Variants in UHRF1 observed in about 807,000 individuals in gnomAD.
UHRF1 encodes E3 ubiquitin-protein ligase UHRF1.
In UHRF1, 9 loss-of-function variants were observed where a neutral mutation model predicts 96.5. That is an observed-to-expected ratio of 0.09 (90% CI 0.06 to 0.16). UHRF1 has a LOEUF of 0.16. UHRF1 is among the 10% of genes least tolerant of loss of function. UHRF1 has a pLI of 1.00. For synonymous variants in UHRF1, 455 were observed against 469.9 expected (o/e 0.97, Z 0.41); for missense variants, 626 against 1,131.1 (o/e 0.55, Z 6.40).
At chr19:4,929,117 C>G in intron 2 of UHRF1, 105 bp from the exon 3 acceptor site, 1 of 1,454,472 alleles carries the variant, frequency 6.9e-7, no homozygotes, top group Non-Finnish European at 9.3e-7. Flanking sequence ...AGATTGCCCC[C>G]CCCCCACAAG....
intron 2 of UHRF1, among the ~76,000 whole-genome samples, chr19:4,922,309 G>A (rs893492808): frequency 1.4e-4 from 21 of 151,614 alleles, no homozygotes; most frequent in Admixed American, 4.0e-4. Context: ...TCTGTTGCCC[G>A]GACTGGAGTG....
At chr19:4,914,923 C>T (rs2032435024) in intron 2 of UHRF1, among the ~76,000 whole-genome samples, 1 of 152,156 alleles carries the variant, frequency 6.6e-6, no homozygotes, top group Admixed American at 6.6e-5. Flanking sequence ...TCTCTTAGCA[C>T]AGGGCCTGTC....
intron 2 of UHRF1, among the ~76,000 whole-genome samples, chr19:4,913,493 G>T (rs1334639404): frequency 6.6e-6 from 1 of 152,034 alleles, no homozygotes; most frequent in African/African-American, 2.4e-5. Context: ...GACCTCAGGT[G>T]ATCCACCTAC....
At position 4,954,634 on chromosome 19, in the gene UHRF1, C is replaced by A. The variant is rs947306161; in HGVS notation, c.1958-16C>A. On this transcript the variant is annotated splice_polypyrimidine_tract_variant and intron_variant, in intron 14 of 16. Transcript: ENST00000650932. The surrounding 1 kb of genome is among the most constrained non-coding windows in gnomAD (Gnocchi z 5.9). ...GGGCCACGCGCCCCTCCCTCACGCGCCCCACCCTCTTCCAGGAGGTGGCCC... is the reference window on the plus strand; with the variant it reads ...GGGCCACGCGCCCCTCCCTCACGCGACCCACCCTCTTCCAGGAGGTGGCCC... 1 of 1,610,992 alleles carries A rather than the reference C, an allele frequency of 6.2e-7. No homozygotes were observed. Among genetic ancestry groups the A allele is most frequent in the South Asian group, 1.1e-5 (1 of 90,844 alleles).
intron 11 of UHRF1, among the ~76,000 whole-genome samples, chr19:4,947,544 A>G (rs1020761760): frequency 3.5e-5 from 4 of 113,580 alleles, no homozygotes; most frequent in Non-Finnish European, 6.5e-5. Flanking sequence ...TCTGTTGCCC[A>G]GGCTAGAGTG....
At chr19:4,926,165 A>G (rs1599257203) in intron 2 of UHRF1, among the ~76,000 whole-genome samples, 1 of 152,128 alleles carries the variant, frequency 6.6e-6, no homozygotes, top group East Asian at 1.9e-4. Context: ...AAGTGCTGGG[A>G]TTACAGGCGT....
chr19:4,913,584 G>T (rs762630208), intron 2 of UHRF1, among the ~76,000 whole-genome samples: 1 of 151,982 alleles, frequency 6.6e-6, no homozygotes, highest in Non-Finnish European at 1.5e-5. Flanking sequence ...TTGTCAGGAT[G>T]TCCGCAGTGA....
intron 9 of UHRF1, among the ~76,000 whole-genome samples, chr19:4,945,626 G>C (rs1184581786): frequency 2.0e-5 from 3 of 150,872 alleles, no homozygotes; most frequent in Non-Finnish European, 4.4e-5. Context: ...CCCCGTGCAC[G>C]CTTGATGGGG....
At position 4,947,107 on chromosome 19, in the gene UHRF1, C is replaced by T. The variant is rs2033589178; in HGVS notation, c.1413C>T (p.Asp471=). 1 of 1,612,156 alleles carries T rather than the reference C, an allele frequency of 6.2e-7. No individual in the cohort carries two copies. Among genetic ancestry groups the T allele is most frequent in the Non-Finnish European group, 8.5e-7 (1 of 1,179,120 alleles). ...VLAGGYEDDV[D]HGNFFTYTGS... ...CCCAGCCTTCTTGTCTGTTTCAGGACCATGGGAATTTTTTCACATACACGG... is the reference window on the plus strand; with the variant it reads ...CCCAGCCTTCTTGTCTGTTTCAGGATCATGGGAATTTTTTCACATACACGG... Residue 471 remains aspartate, a splice_region_variant and synonymous_variant, in exon 11 of 17, where the codon GAC becomes GAT. Coordinates refer to ENST00000650932, the MANE Select transcript of UHRF1 (RefSeq NM_001048201.3).
At chr19:4,938,625 T>G (rs2033285479) in intron 5 of UHRF1, among the ~76,000 whole-genome samples, 2 of 151,392 alleles carry the variant, frequency 1.3e-5, no homozygotes, top group Admixed American at 6.6e-5. Flanking sequence ...GATCCTGGCT[T>G]CAAGCGATCC....
At chr19:4,928,335 G>C (rs1005972538) in intron 2 of UHRF1, among the ~76,000 whole-genome samples, 9 of 151,902 alleles carry the variant, frequency 5.9e-5, no homozygotes, top group African/African-American at 2.2e-4. Context: ...CAGGAGGGGG[G>C]GGTCCTAGAT....
At chr19:4,951,763 A>G (rs1219789109) in intron 13 of UHRF1, among the ~76,000 whole-genome samples, 1 of 151,648 alleles carries the variant, frequency 6.6e-6, no homozygotes, top group Non-Finnish European at 1.5e-5. Flanking sequence ...ATCTGGACGG[A>G]AAAATGGGGA....
chr19:4,943,022 G>A (rs2033453359), intron 7 of UHRF1, among the ~76,000 whole-genome samples: 1 of 151,916 alleles, frequency 6.6e-6, no homozygotes, highest in African/African-American at 2.4e-5. Context: ...GGTGGATCAC[G>A]AGGTCAGGAA....
chr19:4,941,706 CG>C, intron 6 of UHRF1, 38 bp from the exon 7 acceptor site: 2 of 1,556,052 alleles, frequency 1.3e-6, no homozygotes, highest in Non-Finnish European at 1.7e-6. Context: ...CTGGCTTGGC[CG>C]GGCCCCGCCG....
chr19:4,937,037 T>G (rs1371001225), intron 5 of UHRF1, among the ~76,000 whole-genome samples: 1 of 106,622 alleles, frequency 9.4e-6, no homozygotes, highest in Non-Finnish European at 2.4e-5. Context: ...CAAGCAATAA[T>G]TTTTTTTTTT....
chr19:4,926,364 C>T (rs920796970), intron 2 of UHRF1, among the ~76,000 whole-genome samples: 1 of 152,230 alleles, frequency 6.6e-6, no homozygotes, highest in East Asian at 1.9e-4. Context: ...TGAGCCTCCT[C>T]CTGGCTCCCA....
chr19:4,943,253 A>AG (rs376638733), intron 7 of UHRF1, among the ~76,000 whole-genome samples: 5 of 151,780 alleles, frequency 3.3e-5, no homozygotes, highest in East Asian at 1.9e-4. Context: ...ACAAAAAAAA[A>AG]GGGGGGGTGG....
In UHRF1 at chr19:4,929,491, C is replaced by T. The variant is rs767992475; in HGVS notation, c.408+15C>T. On this transcript the variant is annotated intron_variant, in intron 3 of 16. Coordinates refer to ENST00000650932, the MANE Select transcript of UHRF1 (RefSeq NM_001048201.3). ...GGCTGTACAAGGTGAGCCTCCCCTC[C>T]GCAGCTGCTCTGGGGTTGGACGTTC... 1.2e-5 allele frequency: 19 copies of T among 1,603,684 alleles called. No individual in the cohort carries two copies. The highest frequency in any genetic ancestry group is 5.1e-5 in the Admixed American group (3 of 59,378).
intron 5 of UHRF1, among the ~76,000 whole-genome samples, chr19:4,933,316 T>C (rs1461162050): frequency 6.6e-6 from 1 of 152,062 alleles, no homozygotes; most frequent in Non-Finnish European, 1.5e-5. Flanking sequence ...CCTGGGTTCA[T>C]GCCATTCTCC....
Sources: allele counts gnomAD v4.1 joint callset (sites outside exome capture counted in the v4.1 genomes callset), GRCh38; gene constraint gnomAD v4.1.1; non-coding constraint Gnocchi (gnomAD v3.1); transcripts MANE v1.5; gene names NCBI Gene and HGNC (gene_info 2026-07-23, HGNC 2026-07-21).